UBE2E2: variants seen among roughly 807,000 people sequenced by gnomAD.
The protein encoded by UBE2E2 is ubiquitin-conjugating enzyme E2 E2.
Under a neutral mutation model 24.7 loss-of-function variants are expected in UBE2E2, and 6 were observed. The ratio of observed to expected loss-of-function variants is 0.24; its 90% CI spans 0.13 to 0.48. The LOEUF (loss-of-function observed/expected upper bound fraction) is 0.48. Ranked by LOEUF, UBE2E2 falls within the 20% of genes least tolerant of loss-of-function variation. UBE2E2 has a pLI of 0.99. For synonymous variants in UBE2E2, 104 were observed against 83.6 expected (o/e 1.24, Z -1.33); for missense variants, 169 against 245.0 (o/e 0.69, Z 2.07).
chr3:23,426,951 G>A (rs1697941178), intron 3 of UBE2E2, among the ~76,000 whole-genome samples: 1 of 151,988 alleles, frequency 6.6e-6, no homozygotes, highest in Admixed American at 6.6e-5. Flanking sequence ...TCTAAAAGTA[G>A]AAAGAAATAA....
At chr3:23,541,240 C>A (rs1361571671) in intron 5 of UBE2E2, among the ~76,000 whole-genome samples, 1 of 152,142 alleles carries the variant, frequency 6.6e-6, no homozygotes, top group Non-Finnish European at 1.5e-5. Flanking sequence ...ATGGGCAGTT[C>A]TCTTTATTTT....
At chr3:23,236,560 A>G (rs998415452) in intron 3 of UBE2E2, among the ~76,000 whole-genome samples, 5 of 146,990 alleles carry the variant, frequency 3.4e-5, no homozygotes, top group Admixed American at 1.4e-4. Flanking sequence ...TTCTCTTACT[A>G]TAGATTATTT....
chr3:23,327,824 T>C (rs1307843583), intron 3 of UBE2E2, among the ~76,000 whole-genome samples: 1 of 152,194 alleles, frequency 6.6e-6, no homozygotes, highest in Non-Finnish European at 1.5e-5. Flanking sequence ...GGAGTTGGTG[T>C]TGTCTAGGAG....
chr3:23,474,369 C>G lies in UBE2E2; in HGVS notation c.228-25239C>G, dbSNP rs1390243444. Among the ~76,000 whole-genome samples the G allele has an allele frequency of 1.3e-5, 2 of 151,968 alleles. No individual in the cohort carries two copies. The highest frequency in any genetic ancestry group is 3.9e-4 in the East Asian group (2 of 5,192). Reference sequence around the variant, plus strand: ...TACTGACTGAAGTGAAGATTTATTTCTTACAGTCATTCTAGTCCTCATTTT... The same window carrying G: ...TACTGACTGAAGTGAAGATTTATTTGTTACAGTCATTCTAGTCCTCATTTT... On this transcript the variant is annotated intron_variant, in intron 3 of 5. Coordinates refer to ENST00000396703, the MANE Select transcript of UBE2E2 (RefSeq NM_152653.4). This position sits in a 1 kb window ranked among gnomAD's most constrained non-coding sequence, Gnocchi z 4.0.
At chr3:23,555,882 G>C (rs545725029) in intron 5 of UBE2E2, among the ~76,000 whole-genome samples, 2 of 152,184 alleles carry the variant, frequency 1.3e-5, no homozygotes, top group South Asian at 4.2e-4. Context: ...GTGTGGGGAA[G>C]GAACTGGAAA....
intron 4 of UBE2E2, among the ~76,000 whole-genome samples, chr3:23,511,197 C>T (rs911433548): frequency 3.9e-5 from 6 of 152,156 alleles, no homozygotes; most frequent in South Asian, 2.1e-4. Context: ...GAATACATAG[C>T]GGCATGCCTG....
chr3:23,399,241 A>G (rs1697155675), intron 3 of UBE2E2, among the ~76,000 whole-genome samples: 1 of 152,206 alleles, frequency 6.6e-6, no homozygotes, highest in Non-Finnish European at 1.5e-5. Context: ...AAAGCAGTTT[A>G]TGCCTTCTCT....
chr3:23,344,387 C>G (rs778554180), intron 3 of UBE2E2, among the ~76,000 whole-genome samples: 1 of 152,082 alleles, frequency 6.6e-6, no homozygotes, highest in Admixed American at 6.6e-5. Context: ...AGCCTTAGAG[C>G]CACAAAAACC....
chr3:23,341,557 C>G (rs534778419), intron 3 of UBE2E2, among the ~76,000 whole-genome samples: 1 of 152,252 alleles, frequency 6.6e-6, no homozygotes, highest in South Asian at 2.1e-4. Flanking sequence ...GGTTTAGGGT[C>G]TGCATTTGAG....
rs572503398 is a variant in UBE2E2, at chr3:23,504,376, T to C, written c.360+4636T>C. ...TAGGTTCTTCTCATTGCTTCTGTTATAATCAGTGATGTGATGAACATTCAT... is the reference window on the plus strand; with the variant it reads ...TAGGTTCTTCTCATTGCTTCTGTTACAATCAGTGATGTGATGAACATTCAT... On this transcript the variant is annotated intron_variant, in intron 4 of 5. Coordinates refer to ENST00000396703, the MANE Select transcript of UBE2E2 (RefSeq NM_152653.4). 1.1e-4 allele frequency among the ~76,000 whole-genome samples: 16 copies of C among 152,350 alleles called. No individual in the cohort carries two copies. The South Asian group carries it at 3.1e-3, about 30-fold the overall frequency.
intron 3 of UBE2E2, among the ~76,000 whole-genome samples, chr3:23,452,035 T>G (rs1698571454): frequency 6.6e-6 from 1 of 152,212 alleles, no homozygotes; most frequent in Non-Finnish European, 1.5e-5. Flanking sequence ...AAAAGGTTGG[T>G]GGTGAGTTTT....
At chr3:23,542,297 A>G (rs73139799) in intron 5 of UBE2E2, among the ~76,000 whole-genome samples, 5,974 of 152,266 alleles carry the variant, frequency 0.039, 426 homozygotes, top group African/African-American at 0.14. Context: ...CTGTAGATTC[A>G]TAATCAAAAT....
At chr3:23,491,729 G>T (rs1408711111) in intron 3 of UBE2E2, among the ~76,000 whole-genome samples, 1 of 152,218 alleles carries the variant, frequency 6.6e-6, no homozygotes, top group Non-Finnish European at 1.5e-5. Flanking sequence ...GAAGAACCTA[G>T]AGAAAGCAGG....
intron 4 of UBE2E2, among the ~76,000 whole-genome samples, chr3:23,510,824 C>T (rs530627707): frequency 5.1e-4 from 78 of 152,214 alleles, no homozygotes; most frequent in Admixed American, 1.2e-3. Context: ...TATTGAGCCC[C>T]TACTACTTTC....
At chr3:23,292,958 A>G (rs557241986) in intron 3 of UBE2E2, among the ~76,000 whole-genome samples, 19 of 152,302 alleles carry the variant, frequency 1.2e-4, no homozygotes, top group Middle Eastern at 3.4e-3. Context: ...CTGTAATCCC[A>G]GCTACTTGAG....
chr3:23,277,536 C>CT (rs1470032393), intron 3 of UBE2E2, among the ~76,000 whole-genome samples: 25 of 152,052 alleles, frequency 1.6e-4, no homozygotes, highest in African/African-American at 6.0e-4. Context: ...AAGTATTTCT[C>CT]TAAGAAATAG....
At chr3:23,368,804 G>A (rs1696326780) in intron 3 of UBE2E2, among the ~76,000 whole-genome samples, 1 of 152,106 alleles carries the variant, frequency 6.6e-6, no homozygotes, top group African/African-American at 2.4e-5. Context: ...AAAATATACT[G>A]TAATGTTTTA....
intron 3 of UBE2E2, among the ~76,000 whole-genome samples, chr3:23,405,532 T>C (rs1365461948): frequency 1.3e-5 from 2 of 152,102 alleles, no homozygotes; most frequent in East Asian, 3.8e-4. Flanking sequence ...AGGTAATTTT[T>C]CCCCATAAAA....
chr3:23,359,189 C>G (rs967075089), intron 3 of UBE2E2, among the ~76,000 whole-genome samples: 7 of 152,048 alleles, frequency 4.6e-5, no homozygotes, highest in African/African-American at 1.7e-4. Context: ...GCCTGTGTTT[C>G]TTGTACTCTT....
Sources: allele counts gnomAD v4.1 joint callset (sites outside exome capture counted in the v4.1 genomes callset), GRCh38; gene constraint gnomAD v4.1.1; non-coding constraint Gnocchi (gnomAD v3.1); transcripts MANE v1.5; gene names NCBI Gene and HGNC (gene_info 2026-07-23, HGNC 2026-07-21).